VIPR1: variants seen among roughly 807,000 people sequenced by gnomAD.
VIPR1 encodes vasoactive intestinal peptide receptor 1, also known as vasoactive intestinal polypeptide receptor 1.
A neutral mutation model predicts 58.8 loss-of-function variants in VIPR1; 59 were observed. The ratio of observed to expected loss-of-function variants is 1.00; its 90% CI spans 0.81 to 1.25. VIPR1 has a LOEUF of 1.25. VIPR1 is among the 50% of genes most tolerant of loss of function. The pLI, the probability that VIPR1 is intolerant of heterozygous loss-of-function variation, is 0.00. For missense variants in VIPR1, 626 were observed against 602.7 expected (o/e 1.04, Z -0.40); for synonymous variants, 251 against 242.1 (o/e 1.04, Z -0.34).
At chr3:42,493,163 G>A (rs375019340) in intron 1 of VIPR1, among the ~76,000 whole-genome samples, 1 of 152,320 alleles carries the variant, frequency 6.6e-6, no homozygotes, top group East Asian at 1.9e-4. Context: ...ATAAAGGAAA[G>A]GCTAGGAGGG....
chr3:42,491,569 T>C (rs1212984048), intron 1 of VIPR1, among the ~76,000 whole-genome samples: 2 of 145,872 alleles, frequency 1.4e-5, no homozygotes, highest in African/African-American at 4.9e-5. Flanking sequence ...ATTTTTTGTT[T>C]GTTTGTTTGT....
At chr3:42,516,063 A>G (rs949074199) in intron 2 of VIPR1, among the ~76,000 whole-genome samples, 3 of 152,090 alleles carry the variant, frequency 2.0e-5, no homozygotes, top group African/African-American at 7.2e-5. Context: ...ACTGGCATGT[A>G]CATGTCAGTG....
chr3:42,511,726 A>G (rs1700372850), intron 1 of VIPR1: 1 of 152,204 alleles, frequency 6.6e-6, no homozygotes, highest in African/African-American at 2.4e-5. Context: ...TTGGTGAGAA[A>G]TGTGCTCCAA....
intron 1 of VIPR1, chr3:42,512,870 C>A: frequency 1.0e-6 from 1 of 985,486 alleles, no homozygotes; most frequent in Non-Finnish European, 1.2e-6. Flanking sequence ...CCCACCCACA[C>A]CCATCTAAGA....
intron 7 of VIPR1, chr3:42,531,200 A>T: frequency 1.6e-6 from 1 of 609,674 alleles, no homozygotes; most frequent in South Asian, 2.0e-5. Flanking sequence ...CGAAATACAC[A>T]GGGCCACTGC....
chr3:42,491,529 A>T (rs954482079), intron 1 of VIPR1, among the ~76,000 whole-genome samples: 3 of 152,080 alleles, frequency 2.0e-5, no homozygotes, highest in African/African-American at 7.2e-5. Flanking sequence ...TACTTTATTC[A>T]CTTCATGTAT....
intron 1 of VIPR1, among the ~76,000 whole-genome samples, chr3:42,491,873 C>T (rs1699672603): frequency 6.6e-6 from 1 of 152,268 alleles, no homozygotes; most frequent in South Asian, 2.1e-4. Flanking sequence ...CCGCACCTGG[C>T]CTGAAGCTCT....
chr3:42,519,960 C>A (rs1254014813), intron 3 of VIPR1, among the ~76,000 whole-genome samples: 1 of 152,176 alleles, frequency 6.6e-6, no homozygotes, highest in African/African-American at 2.4e-5. Flanking sequence ...ATTGGAGAGA[C>A]ATTTAGTAAG....
Position 42,536,493 on chromosome 3 carries a change from G to A in VIPR1, c.*212G>A, listed in dbSNP as rs1477502033. ...TTTCTAGCAAGTGAGAGAGATGGGA[G>A]CTCCTCTCCTGGAGGATTGCAGGTG... On this transcript the variant is annotated 3_prime_UTR_variant, in exon 13 of 13. Coordinates refer to ENST00000325123, the MANE Select transcript of VIPR1 (RefSeq NM_004624.4). The A allele has an allele frequency of 4.2e-6, 2 of 480,312 alleles. No homozygotes were observed. Among genetic ancestry groups the A allele is most frequent in the Admixed American group, 4.2e-5 (1 of 23,862 alleles). The allele number at this position is 480,312 out of a possible 1,614,324, so 29.8% of individuals were successfully genotyped here. A position where few individuals can be genotyped will look rare whatever the true frequency, so the allele number is the denominator to read the frequency against.
chr3:42,534,779 G>A, intron 10 of VIPR1, 196 bp from the exon 11 acceptor site: 2 of 623,992 alleles, frequency 3.2e-6, no homozygotes, highest in African/African-American at 1.9e-5. Context: ...AGGGCTGGGG[G>A]CAGAAGGGCA....
intron 1 of VIPR1, among the ~76,000 whole-genome samples, chr3:42,510,958 CT>C (rs1187696294): frequency 2.0e-5 from 3 of 152,140 alleles, no homozygotes; most frequent in Admixed American, 6.5e-5. Flanking sequence ...ACAAATATTT[CT>C]TGGCAAACTA....
chr3:42,518,006 C>A (rs962957744), intron 2 of VIPR1, among the ~76,000 whole-genome samples: 1 of 148,538 alleles, frequency 6.7e-6, no homozygotes, highest in African/African-American at 2.5e-5. Context: ...GCATCTAGTT[C>A]TTTTTTTTTT....
chr3:42,521,563 T>C (rs386212), intron 3 of VIPR1: 97,114 of 151,986 alleles, frequency 0.64, 32,399 homozygotes, highest in East Asian at 0.85. Context: ...AAGAATTATA[T>C]CCACGGGAAG....
chr3:42,519,941 A>G (rs1210953005), intron 3 of VIPR1, among the ~76,000 whole-genome samples: 1 of 152,244 alleles, frequency 6.6e-6, no homozygotes, highest in Non-Finnish European at 1.5e-5. Flanking sequence ...TCCCAGAGCT[A>G]GCATTCTCAT....
At chr3:42,518,363 C>A (rs1577225313) in intron 2 of VIPR1, among the ~76,000 whole-genome samples, 1 of 152,142 alleles carries the variant, frequency 6.6e-6, no homozygotes, top group Admixed American at 6.5e-5. Flanking sequence ...AAGTTCAGAA[C>A]AAAACAAAAT....
At chr3:42,506,707 T>A (rs1435200939) in intron 1 of VIPR1, 1 of 152,050 alleles carries the variant, frequency 6.6e-6, no homozygotes, top group Non-Finnish European at 1.5e-5. Context: ...TTTGTATTTT[T>A]AGTAGAGACA....
intron 1 of VIPR1, chr3:42,513,516 C>T (rs1700463757): frequency 5.9e-6 from 3 of 508,326 alleles, no homozygotes; most frequent in African/African-American, 1.9e-5. Context: ...AGCTGCAGCA[C>T]TAATGGGGGA....
chr3:42,521,623 T>A (rs1188393109), intron 3 of VIPR1: 1 of 152,038 alleles, frequency 6.6e-6, no homozygotes, highest in Non-Finnish European at 1.5e-5. Context: ...AAGATAAAAA[T>A]TGTGGAGAGT....
chr3:42,527,854 A>C (rs1701316154), intron 5 of VIPR1, 137 bp from the exon 6 acceptor site: 1 of 1,255,306 alleles, frequency 8.0e-7, no homozygotes, highest in Non-Finnish European at 1.1e-6. Context: ...TCAGGATGGG[A>C]TCCCCTTTGA....
Sources: allele counts gnomAD v4.1 joint callset (sites outside exome capture counted in the v4.1 genomes callset), GRCh38; gene constraint gnomAD v4.1.1; transcripts MANE v1.5; gene names NCBI Gene and HGNC (gene_info 2026-07-23, HGNC 2026-07-21).